The following ANK2 variants were observed in gnomAD, a reference collection of about 807,000 sequenced individuals.
ANK2 encodes the protein ankyrin-2.
Under a neutral mutation model 360.5 loss-of-function variants are expected in ANK2, and 83 were observed. The ratio of observed to expected loss-of-function variants is 0.23; its 90% CI spans 0.19 to 0.28. The LOEUF (loss-of-function observed/expected upper bound fraction) is 0.28. Among genes scored for constraint, ANK2 ranks in the 10% least tolerant of loss-of-function variants. The pLI is 1.00. For synonymous variants in ANK2, 1,740 were observed against 1,759.5 expected (o/e 0.99, Z 0.28); for missense variants, 4,201 against 4,795.7 (o/e 0.88, Z 3.66).
chr4:113,345,798 C>T (rs1278909560), intron 34 of ANK2, 102 bp from the exon 35 acceptor site: 1 of 1,443,426 alleles, frequency 6.9e-7, no homozygotes, highest in Non-Finnish European at 9.7e-7. Flanking sequence ...TCTTACCTAG[C>T]AGTAACAAAT....
chr4:113,300,021 A>G (rs1002671054), intron 22 of ANK2, among the ~76,000 whole-genome samples: 2 of 152,120 alleles, frequency 1.3e-5, no homozygotes, highest in Admixed American at 6.5e-5. Flanking sequence ...AATATGGGCT[A>G]TAATTTATTG....
At chr4:112,977,067 G>A (rs72894432) in intron 2 of ANK2, among the ~76,000 whole-genome samples, 2,469 of 152,212 alleles carry the variant, frequency 0.016, 54 homozygotes, top group African/African-American at 0.056. Flanking sequence ...TAAATGAAGC[G>A]GGGTTTGCCT....
chr4:113,011,778 C>T (rs1047332387), intron 2 of ANK2, among the ~76,000 whole-genome samples: 2 of 151,760 alleles, frequency 1.3e-5, no homozygotes, highest in African/African-American at 4.8e-5. Flanking sequence ...TTTTTAAGTG[C>T]CTTTAGCTCA....
intron 1 of ANK2, among the ~76,000 whole-genome samples, chr4:112,833,653 G>A (rs1181719792): frequency 5.3e-5 from 8 of 152,032 alleles, no homozygotes; most frequent in Non-Finnish European, 8.8e-5. Context: ...ACAGGCGCCC[G>A]ACACCACGCC....
intron 17 of ANK2, among the ~76,000 whole-genome samples, chr4:113,280,858 G>A (rs1422994380): frequency 6.6e-6 from 1 of 152,192 alleles, no homozygotes; most frequent in Non-Finnish European, 1.5e-5. Context: ...AGCCCATGCT[G>A]TAGGCAGTGG....
intron 4 of ANK2, among the ~76,000 whole-genome samples, chr4:113,223,583 T>G (rs1024266916): frequency 6.6e-6 from 1 of 152,140 alleles, no homozygotes; most frequent in African/African-American, 2.4e-5. Context: ...AAGAGCTAAA[T>G]GACTACAAAA....
chr4:113,086,049 C>T (rs1359296044), intron 1 of ANK2, among the ~76,000 whole-genome samples: 3 of 152,102 alleles, frequency 2.0e-5, no homozygotes, highest in African/African-American at 7.2e-5. Flanking sequence ...AAAGATTTTT[C>T]CTTTTATATG....
chr4:112,822,710 A>G (rs1284518572), intron 1 of ANK2, among the ~76,000 whole-genome samples: 1 of 151,582 alleles, frequency 6.6e-6, no homozygotes, highest in Non-Finnish European at 1.5e-5. Flanking sequence ...CGCAACCTGC[A>G]CTCCAGCCTG....
chr4:112,763,129 G>A, the ANK2 span, among the ~76,000 whole-genome samples: 2 of 152,172 alleles, frequency 1.3e-5, no homozygotes, highest in Admixed American at 1.3e-4. Flanking sequence ...GGCGCGGTGG[G>A]CTCACCACAG....
chr4:113,381,571 C>T lies in ANK2; in HGVS notation c.*100C>T. ...TACCAGAAGCACTAGACCAGGACGA[C>T]CTCCAGCGCGATCTCCAGCAGCTCC... On this transcript the variant is annotated 3_prime_UTR_variant, in exon 46 of 46. Coordinates refer to ENST00000357077, the MANE Select transcript of ANK2 (RefSeq NM_001148.6). 5.6e-6 allele frequency: 9 copies of T among 1,606,650 alleles called. No homozygotes were observed. The highest frequency in any genetic ancestry group is 6.8e-6 in the Non-Finnish European group (8 of 1,175,764).
intron 1 of ANK2, among the ~76,000 whole-genome samples, chr4:112,829,060 T>C (rs1284703628): frequency 6.6e-6 from 1 of 152,010 alleles, no homozygotes; most frequent in Non-Finnish European, 1.5e-5. Flanking sequence ...AGCTGAGGCA[T>C]AAGAATCGCT....
At chr4:112,876,773 C>T (rs1289835874) in intron 1 of ANK2, among the ~76,000 whole-genome samples, 1 of 152,160 alleles carries the variant, frequency 6.6e-6, no homozygotes, top group Non-Finnish European at 1.5e-5. Flanking sequence ...GGAAATATTA[C>T]ACCCAATCCA....
rs745771608 is a variant in ANK2, at chr4:113,345,906, G to C, written c.4255G>C (p.Asp1419His). 1.9e-6 allele frequency: 3 copies of C among 1,613,442 alleles called. No individual in the cohort carries two copies. Among genetic ancestry groups the C allele is most frequent in the Non-Finnish European group, 2.5e-6 (3 of 1,179,520 alleles). ...NRLPLFVKVR[D>H]TTQEPCGRLS... ...TATGTCTTTCTTGTTCAAGGTACGC[G>C]ATACGACTCAGGAACCTTGCGGACG... The change falls in exon 35 of 46, where the codon GAT (aspartate) becomes CAT (histidine). Residue 1419 changes from aspartate (D) to histidine (H), a missense_variant. Asp to His is a moderately conservative substitution (Grantham distance 81). Around this residue, in one of 4 missense-constraint regions of ANK2, gnomAD observed 1,268 missense variants for 1,650.8 expected, o/e 0.77. Transcript: ENST00000357077.
chr4:113,246,113 T>A (rs1005639430), intron 9 of ANK2, among the ~76,000 whole-genome samples: 2 of 152,234 alleles, frequency 1.3e-5, no homozygotes, highest in Non-Finnish European at 2.9e-5. Context: ...TTTTAAAGTA[T>A]TATGTTTTCA....
intron 1 of ANK2, among the ~76,000 whole-genome samples, chr4:112,823,942 A>G (rs1464121198): frequency 1.3e-5 from 2 of 152,226 alleles, no homozygotes; most frequent in African/African-American, 4.8e-5. Context: ...TTTGGGGTCC[A>G]TGGAAGTTAT....
At chr4:113,307,706 G>C (rs576073015) in intron 23 of ANK2, among the ~76,000 whole-genome samples, 1 of 152,088 alleles carries the variant, frequency 6.6e-6, no homozygotes, top group African/African-American at 2.4e-5. Flanking sequence ...CCCGGCCGCC[G>C]TTCCACTTTA....
At chr4:112,769,292 T>G in the ANK2 span, among the ~76,000 whole-genome samples, 1 of 152,232 alleles carries the variant, frequency 6.6e-6, no homozygotes, top group South Asian at 2.1e-4. Flanking sequence ...AAGTTGCTGC[T>G]TTCTTCAAGT....
chr4:113,274,053 G>C (rs2059408167), intron 14 of ANK2, among the ~76,000 whole-genome samples: 1 of 152,182 alleles, frequency 6.6e-6, no homozygotes, highest in African/African-American at 2.4e-5. Flanking sequence ...CTTTGAAAGA[G>C]TTCCCAGAAT....
intron 1 of ANK2, among the ~76,000 whole-genome samples, chr4:112,878,516 G>C (rs1560913371): frequency 1.3e-5 from 2 of 151,776 alleles, no homozygotes; most frequent in African/African-American, 2.4e-5. Flanking sequence ...TAGTAGAAGG[G>C]AGTTTCACCA....
Sources: gnomAD v4.1 joint callset for allele counts (sites outside exome capture counted in the v4.1 genomes callset) on GRCh38, gnomAD v4.1.1 for gene constraint, gnomAD v4.1.1 regional missense constraint, MANE v1.5 for transcripts, NCBI Gene and HGNC (gene_info 2026-07-23, HGNC 2026-07-21) for gene names.